KIAA1755: variants seen among roughly 807,000 people sequenced by gnomAD.
KIAA1755 encodes uncharacterized protein KIAA1755.
Under a neutral mutation model 91.7 loss-of-function variants are expected in KIAA1755, and 68 were observed. The ratio of observed to expected loss-of-function variants is 0.74; its 90% CI spans 0.61 to 0.91. The LOEUF is 0.91. KIAA1755 is among the 40% of genes least tolerant of loss of function. The probability of loss-of-function intolerance (pLI) is 0.00; values close to 1 mark genes in which losing one functional copy is unlikely to be tolerated. For synonymous variants in KIAA1755, 610 were observed against 604.6 expected (o/e 1.01, Z -0.13); for missense variants, 1,535 against 1,494.4 (o/e 1.03, Z -0.45).
At chr20:38,246,566 G>T (rs1186902332) in intron 1 of KIAA1755, among the ~76,000 whole-genome samples, 1 of 152,192 alleles carries the variant, frequency 6.6e-6, no homozygotes, top group Non-Finnish European at 1.5e-5. Flanking sequence ...GAGCCACGAG[G>T]GAAGCCCAGC....
At chr20:38,247,672 A>G (rs904279595) in intron 1 of KIAA1755, among the ~76,000 whole-genome samples, 4 of 152,246 alleles carry the variant, frequency 2.6e-5, no homozygotes, top group African/African-American at 4.8e-5. Flanking sequence ...AGTTAAGGCT[A>G]CCAATGGAAT....
chr20:38,259,820 C>CCA (rs57325877), intron 1 of KIAA1755, among the ~76,000 whole-genome samples: 2,600 of 138,740 alleles, frequency 0.019, 43 homozygotes, highest in East Asian at 0.054. Context: ...ACCACCACCA[C>CCA]CACACACACA....
chr20:38,246,450 A>C (rs2076162505), intron 1 of KIAA1755, among the ~76,000 whole-genome samples: 1 of 142,302 alleles, frequency 7.0e-6, no homozygotes, highest in African/African-American at 2.5e-5. Flanking sequence ...ACGTGGAGGA[A>C]TAGGGGTGGG....
In KIAA1755 at chr20:38,240,751, G is replaced by A. The variant is rs768371632; in HGVS notation, c.1380C>T (p.Asn460=). Residue 460 remains asparagine (N), a synonymous_variant, in exon 3 of 14, where the codon AAC becomes AAT. Coordinates refer to ENST00000279024, the MANE Select transcript of KIAA1755 (RefSeq NM_001029864.2). The part of the protein sequence containing the change: ...LPKPMPCPSR[N]TSSPEPPTPG... ...GAGTGGGGGGCTCAGGGGAGGAGGTGTTTCTGCTAGGGCAGGGCATGGGCT... is the reference window on the plus strand; with the variant it reads ...GAGTGGGGGGCTCAGGGGAGGAGGTATTTCTGCTAGGGCAGGGCATGGGCT... 43 of 1,583,016 alleles carry A rather than the reference G, an allele frequency of 2.7e-5. No homozygotes were observed. In the Admixed American group the frequency reaches 3.9e-4, roughly 14 times the overall value.
Position 38,245,997 on chromosome 20 carries a change from G to A in KIAA1755, c.133C>T (p.Leu45=), listed in dbSNP as rs752497535. The change falls in exon 2 of 14, where the codon CTG becomes TTG. Residue 45 remains leucine (L), a synonymous_variant. Transcript: ENST00000279024. ...LLDSGFQGDG[L]SFLLDFLIPA... is the part of the protein sequence containing the mutation. ...ATCAGGAAATCCAGAAGGAAGCTCA[G>A]CCCATCCCCCTGGAAGCCAGAGTCC... The A allele has an allele frequency of 1.2e-6, 2 of 1,614,182 alleles. No individual in the cohort carries two copies. Among genetic ancestry groups the A allele is most frequent in the Non-Finnish European group, 1.7e-6 (2 of 1,180,032 alleles).
In KIAA1755 at chr20:38,245,997, GCCCATC is replaced by G; in HGVS notation, c.127_132del (p.Asp43_Gly44del). 6.2e-7 allele frequency: 1 copy of G among 1,614,182 alleles called. No homozygotes were observed. The highest frequency in any genetic ancestry group is 8.5e-7 in the Non-Finnish European group (1 of 1,180,032). ...ATCAGGAAATCCAGAAGGAAGCTCA[GCCCATC>G]CCCCTGGAAGCCAGAGTCCAGGAGA... On this transcript the variant is annotated inframe_deletion, in exon 2 of 14. Coordinates refer to ENST00000279024, the MANE Select transcript of KIAA1755 (RefSeq NM_001029864.2).
rs966291523 is a variant in KIAA1755 at position 38,227,042 on chromosome 20, C to A, written c.2052+112G>T. 5.5e-5 allele frequency: 39 copies of A among 704,572 alleles called. No individual in the cohort carries two copies. The African/African-American group carries it at 6.8e-4, about 12-fold the overall frequency. The allele number at this position is 704,572 out of a possible 1,614,324, so 43.6% of individuals were successfully genotyped here. ...GTATTTATTGCCTTACACTAGATTACCTCCAGGCCTCTTCTAGCTCATGAA... is the reference window on the plus strand; with the variant it reads ...GTATTTATTGCCTTACACTAGATTAACTCCAGGCCTCTTCTAGCTCATGAA... On this transcript the variant is annotated intron_variant, in intron 7 of 13. Coordinates refer to ENST00000279024, the MANE Select transcript of KIAA1755 (RefSeq NM_001029864.2).
chr20:38,218,438 C>T (rs1194072425), intron 11 of KIAA1755, 72 bp from the exon 12 acceptor site: 12 of 1,587,042 alleles, frequency 7.6e-6, no homozygotes, highest in Non-Finnish European at 9.4e-6. Context: ...CCCCCACTTC[C>T]TTGCAGGCTG....
Position 38,241,562 on chromosome 20 carries a change from C to G in KIAA1755, c.569G>C (p.Arg190Thr), listed in dbSNP as rs770666744. Reference protein sequence around the residue: ...KITSPEFVDDRPQVVNALCQA... With the variant: ...KITSPEFVDDTPQVVNALCQA... Reference sequence around the variant, plus strand: ...GCAGAGGGCATTCACTACTTGGGGTCTGTCATCCACAAACTCTGGGCTGGT... The same window carrying G: ...GCAGAGGGCATTCACTACTTGGGGTGTGTCATCCACAAACTCTGGGCTGGT... Residue 190 changes from arginine (R) to threonine (T), a missense_variant, in exon 3 of 14, where the codon AGA becomes ACA. Coordinates refer to ENST00000279024, the MANE Select transcript of KIAA1755 (RefSeq NM_001029864.2). The G allele has an allele frequency of 4.3e-6, 7 of 1,614,258 alleles. No individual in the cohort carries two copies. Among genetic ancestry groups the G allele is most frequent in the Non-Finnish European group, 5.9e-6 (7 of 1,180,048 alleles).
Position 38,231,538 on chromosome 20 carries a change from T to G in KIAA1755, c.1748-213A>C, listed in dbSNP as rs2075863752. 2.0e-5 allele frequency among the ~76,000 whole-genome samples: 3 copies of G among 152,184 alleles called. No homozygotes were observed. The South Asian group carries it at 6.2e-4, about 32-fold the overall frequency. ...AAAAGTCTTCCCTGAATCTCCTCTG[T>G]GCAGAGCACTCCCTCTGTATAAGAT... is the stretch of plus-strand genomic sequence containing the variant. On this transcript the variant is annotated intron_variant, in intron 4 of 13. Coordinates refer to ENST00000279024, the MANE Select transcript of KIAA1755 (RefSeq NM_001029864.2).
intron 2 of KIAA1755, among the ~76,000 whole-genome samples, chr20:38,242,181 C>T (rs945150727): frequency 6.6e-6 from 1 of 152,224 alleles, no homozygotes; most frequent in Non-Finnish European, 1.5e-5. Context: ...CACTAGTTAG[C>T]AATCGGCTTT....
rs1415738897 is a variant in KIAA1755, at chr20:38,225,708, C to T, written c.2126G>A (p.Gly709Asp). The T allele has an allele frequency of 6.2e-7, 1 of 1,612,548 alleles. No homozygotes were observed. Among genetic ancestry groups the T allele is most frequent in the Admixed American group, 1.7e-5 (1 of 59,772 alleles). ...DPSQLPAVLE[G>D]PFPYCHTEWV... ...CTCGGTGTGGCAGTAGGGGAAGGGG[C>T]CTTCCAGGACTGCGGGCAGCTGGCT... Residue 709 changes from glycine (G) to aspartate (D), a missense_variant, in exon 8 of 14, where the codon GGC (glycine) becomes GAC (aspartate). Coordinates refer to ENST00000279024, the MANE Select transcript of KIAA1755 (RefSeq NM_001029864.2).
rs2076046615 is a variant in KIAA1755 at position 38,240,827 on chromosome 20, G to A, written c.1304C>T (p.Ser435Phe). ...GGTCTTCACCTCTATCTTTGTTTCA[G>A]AGGCTGCAGCTGCAGGAGAAGCTGG... ...LSPASPAAAA[S>F]ETKIEVKTKE... Residue 435 changes from serine (S) to phenylalanine (F), a missense_variant, in exon 3 of 14, where the codon TCT becomes TTT. Transcript: ENST00000279024. The A allele has an allele frequency of 6.2e-7, 1 of 1,614,024 alleles. No individual in the cohort carries two copies. Among genetic ancestry groups the A allele is most frequent in the African/African-American group, 1.3e-5 (1 of 74,946 alleles).
Position 38,213,078 on chromosome 20 carries a change from C to T in KIAA1755, c.3567G>A (p.Glu1189=), listed in dbSNP as rs755940389. The T allele has an allele frequency of 2.5e-6, 4 of 1,573,924 alleles. No homozygotes were observed. The African/African-American group carries it at 5.4e-5, about 21-fold the overall frequency. Residue 1189 remains glutamate (E), a synonymous_variant, in exon 14 of 14, where the codon GAG becomes GAA. Transcript: ENST00000279024. ...CAAGGGGACTTGTCTGGGGTGAGTC[C>T]TCAAGGGATGTCTGTGAGTCTGTCC... ...SEGTDSQTSL[E]DSPQTSPLAS...
rs373557739 is a variant in KIAA1755 at position 38,219,757 on chromosome 20, G to A, written c.2429C>T (p.Ala810Val). The A allele has an allele frequency of 6.2e-7, 1 of 1,614,162 alleles. No homozygotes were observed. The highest frequency in any genetic ancestry group is 8.5e-7 in the Non-Finnish European group (1 of 1,180,026). ...AAGGCTGTACAAGGCAGTGGCTGCA[G>A]CCAGATGGCTCCTGGGAGGTGGGCG... ...DFSPDVRSHLAAATALYSLVD... is the reference protein window; with the variant it reads ...DFSPDVRSHLVAATALYSLVD... The change falls in exon 11 of 14, where the codon GCT becomes GTT. Residue 810 changes from alanine (A) to valine (V), a missense_variant. Ala to Val is a moderately conservative substitution (Grantham distance 64). Transcript: ENST00000279024.
chr20:38,228,598 A>G (rs1359807729), intron 5 of KIAA1755, among the ~76,000 whole-genome samples: 1 of 152,094 alleles, frequency 6.6e-6, no homozygotes, highest in African/African-American at 2.4e-5. Context: ...TCCCTCCAAA[A>G]AGCCAAGTTC....
chr20:38,234,630 A>T (rs1051940742), intron 4 of KIAA1755, among the ~76,000 whole-genome samples: 1 of 152,196 alleles, frequency 6.6e-6, no homozygotes, highest in African/African-American at 2.4e-5. Context: ...CTCCAAGGTC[A>T]CGCTGATGTA....
chr20:38,236,519 A>G (rs932561716), intron 4 of KIAA1755, among the ~76,000 whole-genome samples: 10 of 152,118 alleles, frequency 6.6e-5, no homozygotes, highest in Non-Finnish European at 1.5e-4. Context: ...AGATGAGGAG[A>G]CAGGAAAGGA....
At position 38,210,509 on chromosome 20, in the gene KIAA1755, GTTATTATTCGATATTT is replaced by G; in HGVS notation, c.*2517_*2532del. On this transcript the variant is annotated 3_prime_UTR_variant, in exon 14 of 14. Transcript: ENST00000279024. ...AGAAAATGCAAAAGAAATGTTAGCT[GTTATTATTCGATATTT>G]TTATACATTGTTACTCATTATGACA... The G allele has an allele frequency of 6.6e-6, 1 of 152,342 alleles. No individual in the cohort carries two copies. Among genetic ancestry groups the G allele is most frequent in the Admixed American group, 6.5e-5 (1 of 15,308 alleles). The allele number at this position is 152,342 out of a possible 1,614,324, so 9.4% of individuals were successfully genotyped here.
Sources: gnomAD v4.1 joint callset for allele counts (sites outside exome capture counted in the v4.1 genomes callset) on GRCh38, gnomAD v4.1.1 for gene constraint, MANE v1.5 for transcripts, NCBI Gene and HGNC (gene_info 2026-07-23, HGNC 2026-07-21) for gene names.